KCNIP4: variants seen among roughly 807,000 people sequenced by gnomAD.
KCNIP4 encodes potassium voltage-gated channel interacting protein 4, also known as Kv channel-interacting protein 4.
Under a neutral mutation model 34.0 loss-of-function variants are expected in KCNIP4, and 12 were observed. The ratio of observed to expected loss-of-function variants is 0.35; its 90% confidence interval spans 0.23 to 0.57. The LOEUF (loss-of-function observed/expected upper bound fraction) is 0.57, where lower values mean the gene tolerates loss of function less well. Among genes scored for constraint, KCNIP4 ranks in the 20% least tolerant of loss-of-function variants. The pLI is 0.83. For synonymous variants in KCNIP4, 124 were observed against 102.2 expected (o/e 1.21, Z -1.29); for missense variants, 238 against 311.7 (o/e 0.76, Z 1.78).
chr4:21,946,508 C>T (rs1339188167), intron 1 of KCNIP4, among the ~76,000 whole-genome samples: 1 of 152,134 alleles, frequency 6.6e-6, no homozygotes, highest in Non-Finnish European at 1.5e-5. Flanking sequence ...CCCTTCTCAT[C>T]CCAGGATTAG....
At chr4:21,575,344 T>C (rs1281011243) in intron 1 of KCNIP4, among the ~76,000 whole-genome samples, 1 of 152,176 alleles carries the variant, frequency 6.6e-6, no homozygotes, top group African/African-American at 2.4e-5. Context: ...TGAATTGAGT[T>C]CAATAGTTCC....
At chr4:21,332,205 A>G (rs1360260819) in intron 1 of KCNIP4, among the ~76,000 whole-genome samples, 2 of 152,090 alleles carry the variant, frequency 1.3e-5, no homozygotes, top group Non-Finnish European at 2.9e-5. Flanking sequence ...GCCCATTGGA[A>G]CTTTATATTA....
intron 1 of KCNIP4, among the ~76,000 whole-genome samples, chr4:21,821,035 T>C (rs1023701545): frequency 3.9e-5 from 6 of 152,204 alleles, no homozygotes; most frequent in African/African-American, 1.4e-4. Context: ...TGTACCTTGT[T>C]GCTATTTGAG....
At chr4:20,805,533 T>C (rs1560478714) in intron 3 of KCNIP4, among the ~76,000 whole-genome samples, 1 of 152,286 alleles carries the variant, frequency 6.6e-6, no homozygotes, top group East Asian at 1.9e-4. Context: ...ATAGCAATAT[T>C]TGACCATATT....
At chr4:21,375,919 T>C (rs1272249619) in intron 1 of KCNIP4, among the ~76,000 whole-genome samples, 1 of 152,042 alleles carries the variant, frequency 6.6e-6, no homozygotes, top group Non-Finnish European at 1.5e-5. Flanking sequence ...AATACTCACG[T>C]TCAAAAAGGT....
intron 1 of KCNIP4, among the ~76,000 whole-genome samples, chr4:21,043,819 G>T (rs1742175949): frequency 6.6e-6 from 1 of 152,160 alleles, no homozygotes; most frequent in African/African-American, 2.4e-5. Flanking sequence ...CTCATATGAT[G>T]TGAGGAAGCT....
chr4:20,840,609 C>A (rs1049287365), intron 3 of KCNIP4, among the ~76,000 whole-genome samples: 2 of 152,056 alleles, frequency 1.3e-5, no homozygotes, highest in Non-Finnish European at 1.5e-5. Flanking sequence ...GAAGCTGGCA[C>A]CATAGGCAAT....
At position 21,394,509 on chromosome 4, in the gene KCNIP4, T is replaced by A. The variant is rs1158231855; in HGVS notation, c.62-511800A>T. ...TCAATTTTCACTGGGATTACTCATA[T>A]GGAACCCAGTATAAATATGCTGTCT... On this transcript the variant is annotated intron_variant, in intron 1 of 8. Coordinates refer to ENST00000382152, the MANE Select transcript of KCNIP4 (RefSeq NM_025221.6). Among the ~76,000 whole-genome samples, 4 of 152,200 alleles carry A rather than the reference T, an allele frequency of 2.6e-5. No individual in the cohort carries two copies. The East Asian group carries it at 7.7e-4, about 29-fold the overall frequency.
chr4:21,272,560 T>C (rs1039403778), intron 1 of KCNIP4, among the ~76,000 whole-genome samples: 1 of 152,170 alleles, frequency 6.6e-6, no homozygotes, highest in Non-Finnish European at 1.5e-5. Context: ...ATGAATTTCC[T>C]TTTCCAGTCT....
chr4:21,226,385 A>AGGAAGGAAGGAAGGAAGGAAGG (rs1758408104), intron 1 of KCNIP4, among the ~76,000 whole-genome samples: 1 of 151,200 alleles, frequency 6.6e-6, no homozygotes, highest in African/African-American at 2.4e-5. Flanking sequence ...GAAGGAAGGA[A>AGGAAGGAAGGAAGGAAGGAAGG]ATAATTCGGT....
chr4:20,946,529 G>A (rs1046948192), intron 1 of KCNIP4, among the ~76,000 whole-genome samples: 2 of 152,174 alleles, frequency 1.3e-5, no homozygotes, highest in African/African-American at 4.8e-5. Flanking sequence ...GAACGTCATT[G>A]CTAGCTCAAC....
Position 20,989,760 on chromosome 4 carries a change from C to T in KCNIP4, c.62-107051G>A, listed in dbSNP as rs147627531. Among the ~76,000 whole-genome samples the T allele has an allele frequency of 9.3e-3, 1,414 of 152,102 alleles. 7 individuals carry two copies. Among genetic ancestry groups the T allele is most frequent in the Middle Eastern group, 0.034 (10 of 294 alleles). ...GAGGTGGGTAGATCGCTTGAGTTCA[C>T]AAGTTCAAGACCAGCCCGGGCAACA... On this transcript the variant is annotated intron_variant, in intron 1 of 8. Transcript: ENST00000382152.
intron 1 of KCNIP4, among the ~76,000 whole-genome samples, chr4:21,430,588 T>C (rs1321550018): frequency 6.7e-6 from 1 of 150,308 alleles, no homozygotes; most frequent in Non-Finnish European, 1.5e-5. Flanking sequence ...CAAGTAGATA[T>C]TAGCATAATT....
chr4:21,635,508 C>G (rs567103605), intron 1 of KCNIP4, among the ~76,000 whole-genome samples: 1 of 152,236 alleles, frequency 6.6e-6, no homozygotes, highest in South Asian at 2.1e-4. Flanking sequence ...CAAAAGAAGA[C>G]ATTTATGCAG....
At chr4:20,998,970 G>C (rs1737810185) in intron 1 of KCNIP4, among the ~76,000 whole-genome samples, 1 of 152,200 alleles carries the variant, frequency 6.6e-6, no homozygotes, top group Non-Finnish European at 1.5e-5. Flanking sequence ...CTTTCTTGGA[G>C]CCTACAGTCA....
chr4:21,341,705 C>G lies in KCNIP4; in HGVS notation c.62-458996G>C, dbSNP rs144957924. The stretch of plus-strand genomic sequence containing the variant: ...ACCTGCACCTTTTGCTTCTTTCTTA[C>G]CATTTCTGAGATACATGAATCAGTT... On this transcript the variant is annotated intron_variant, in intron 1 of 8. Transcript: ENST00000382152. Among the ~76,000 whole-genome samples the G allele has an allele frequency of 2.5e-3, 386 of 152,202 alleles. 1 individual carries two copies. Among genetic ancestry groups the G allele is most frequent in the African/African-American group, 9.0e-3 (372 of 41,528 alleles).
chr4:21,885,799 T>G (rs1726729962), intron 1 of KCNIP4, among the ~76,000 whole-genome samples: 1 of 151,438 alleles, frequency 6.6e-6, no homozygotes, highest in South Asian at 2.1e-4. Flanking sequence ...AATATTATGT[T>G]TTTTTCCATA....
chr4:20,911,288 C>T (rs982317676), intron 1 of KCNIP4, among the ~76,000 whole-genome samples: 1 of 152,132 alleles, frequency 6.6e-6, no homozygotes, highest in African/African-American at 2.4e-5. Context: ...TCAATAAGTG[C>T]CCAGTTTACT....
intron 1 of KCNIP4, among the ~76,000 whole-genome samples, chr4:21,425,249 A>C (rs755101552): frequency 1.3e-5 from 2 of 152,214 alleles, no homozygotes; most frequent in Non-Finnish European, 2.9e-5. Context: ...TTAACTTTAA[A>C]ATCAATATTA....
Sources: gnomAD v4.1 joint callset for allele counts (sites outside exome capture counted in the v4.1 genomes callset) on GRCh38, gnomAD v4.1.1 for gene constraint, MANE v1.5 for transcripts, NCBI Gene and HGNC (gene_info 2026-07-23, HGNC 2026-07-21) for gene names.